SLC12A3: variants seen among roughly 807,000 people sequenced by gnomAD.
SLC12A3 encodes the protein Na-Cl cotransporter.
Under a neutral mutation model 121.0 loss-of-function variants are expected in SLC12A3, and 104 were observed. That is an observed-to-expected ratio of 0.86 (90% CI 0.73 to 1.01). SLC12A3 has a LOEUF of 1.01. SLC12A3 is among the 50% of genes least tolerant of loss of function. The pLI, the probability that SLC12A3 is intolerant of heterozygous loss-of-function variation, is 0.00. For synonymous variants in SLC12A3, 536 were observed against 533.4 expected (o/e 1.00, Z -0.07); for missense variants, 1,328 against 1,356.3 (o/e 0.98, Z 0.33).
rs1369517493 is a variant in SLC12A3, at chr16:56,870,113, A to G, written c.619A>G (p.Ile207Val). Reference protein sequence around the residue: ...KVKSGGTYFLISRSLGPELGG... With the variant: ...KVKSGGTYFLVSRSLGPELGG... ...CCTGATAGGTGGCACCTACTTCCTC[A>G]TCTCCCGGAGTCTGGGCCCAGAGCT... The change falls in exon 5 of 26, where the codon ATC becomes GTC. Residue 207 changes from isoleucine to valine, a missense_variant. Ile to Val is a conservative substitution (Grantham distance 29). Coordinates refer to ENST00000563236, the MANE Select transcript of SLC12A3 (RefSeq NM_001126108.2). The G allele has an allele frequency of 1.9e-6, 3 of 1,613,302 alleles. No homozygotes were observed. Among genetic ancestry groups the G allele is most frequent in the Non-Finnish European group, 2.5e-6 (3 of 1,179,928 alleles).
At chr16:56,869,652 C>T (rs115164192) in intron 3 of SLC12A3, 77 bp from the exon 4 acceptor site, 18 of 1,116,552 alleles carry the variant, frequency 1.6e-5, no homozygotes, top group Admixed American at 8.9e-5. Context: ...GAACGTAGGT[C>T]GCATGGTGAA....
rs188435882 is a variant in SLC12A3, at chr16:56,896,090, G to A, written c.2633+1448G>A. ...ATGGTCAGTACCTGTTGGCAGCCCCGGGGGTCAGGGGCCCCTGCTTTAAGG... is the reference window on the plus strand; with the variant it reads ...ATGGTCAGTACCTGTTGGCAGCCCCAGGGGTCAGGGGCCCCTGCTTTAAGG... On this transcript the variant is annotated intron_variant, in intron 22 of 25. Transcript: ENST00000563236. 5.9e-5 allele frequency among the ~76,000 whole-genome samples: 9 copies of A among 152,346 alleles called. No individual in the cohort carries two copies. The South Asian group carries it at 1.2e-3, about 21-fold the overall frequency.
Position 56,913,753 on chromosome 16 carries a change from C to T in SLC12A3, c.*348C>T, listed in dbSNP as rs1596965514. 2.6e-5 allele frequency: 9 copies of T among 348,996 alleles called. No individual in the cohort carries two copies. The highest frequency in any genetic ancestry group is 1.2e-4 in the South Asian group (5 of 42,842). The allele number at this position is 348,996 out of a possible 1,614,324, so 21.6% of individuals were successfully genotyped here. A position where few individuals can be genotyped will look rare whatever the true frequency, so the allele number is the denominator to read the frequency against. ...TGCAAATTGGAGTCCCAATGCTGGG[C>T]GTGAATCTTGACAGTTTCTACAGAC... On this transcript the variant is annotated 3_prime_UTR_variant, in exon 26 of 26. Transcript: ENST00000563236.
intron 25 of SLC12A3, among the ~76,000 whole-genome samples, chr16:56,908,169 T>C (rs1272683586): frequency 2.8e-5 from 4 of 145,044 alleles, no homozygotes. Flanking sequence ...AACTTTTTTT[T>C]TTTTTTTTTT....
rs187633044 is a variant in SLC12A3, at chr16:56,890,155, G to A, written c.2286-119G>A. Reference sequence around the variant, plus strand: ...ACAGATGGGGAAACTGAGGCCCAGAGAACAGAAAGGGCGTGGTAGGAAGCA... The same window carrying A: ...ACAGATGGGGAAACTGAGGCCCAGAAAACAGAAAGGGCGTGGTAGGAAGCA... On this transcript the variant is annotated intron_variant, in intron 18 of 25. Coordinates refer to ENST00000563236, the MANE Select transcript of SLC12A3 (RefSeq NM_001126108.2). 223 of 780,596 alleles carry A rather than the reference G, an allele frequency of 2.9e-4. No homozygotes were observed. The African/African-American group carries it at 3.3e-3, about 12-fold the overall frequency. The allele number at this position is 780,596 out of a possible 1,614,324, so 48.4% of individuals were successfully genotyped here. A position where few individuals can be genotyped will look rare whatever the true frequency, so the allele number is the denominator to read the frequency against.
In SLC12A3 at chr16:56,879,547, G is replaced by A. The variant is rs1189543256; in HGVS notation, c.1341G>A (p.Met447Ile). The A allele has an allele frequency of 6.2e-7, 1 of 1,613,354 alleles. No homozygotes were observed. The highest frequency in any genetic ancestry group is 2.2e-5 in the East Asian group (1 of 44,874). ...HYGLINYYQT[M>I]SMVSGFAPLI... ...TGAGCCCCAAATCCCCACAGACCAT[G>A]AGCATGGTGTCAGGCTTCGCGCCCC... The change falls in exon 11 of 26, where the codon ATG (methionine) becomes ATA (isoleucine). Residue 447 changes from methionine (M) to isoleucine (I), a missense_variant. By Grantham distance (10) the Met-to-Ile change is conservative. Transcript: ENST00000563236.
intron 25 of SLC12A3, chr16:56,904,698 A>G: frequency 1.9e-6 from 1 of 521,948 alleles, no homozygotes; most frequent in Non-Finnish European, 3.5e-6. Flanking sequence ...CCCAGGCATC[A>G]GTGACCTCCC....
At chr16:56,905,334 GT>G (rs2055593167) in intron 25 of SLC12A3, among the ~76,000 whole-genome samples, 1 of 102,642 alleles carries the variant, frequency 9.7e-6, no homozygotes, top group Non-Finnish European at 1.7e-5. Flanking sequence ...GCGAAACTCC[GT>G]CTCAAAAAAA....
At position 56,879,592 on chromosome 16, in the gene SLC12A3, C is replaced by T. The variant is rs142199602; in HGVS notation, c.1386C>T (p.Phe462=). 5.4e-4 allele frequency: 878 copies of T among 1,613,804 alleles called. 3 individuals carry two copies. The highest frequency in any genetic ancestry group is 1.6e-3 in the South Asian group (143 of 91,082). Residue 462 remains phenylalanine (F), a synonymous_variant, in exon 11 of 26, where the codon TTC becomes TTT. Coordinates refer to ENST00000563236, the MANE Select transcript of SLC12A3 (RefSeq NM_001126108.2). The stretch of plus-strand genomic sequence containing the variant: ...CGCCCCTGATCACGGCTGGCATCTT[C>T]GGGGCCACCCTCTCCTCTGCCCTGG... ...GFAPLITAGI[F]GATLSSALAC...
At chr16:56,892,900 T>C (rs2055408249) in intron 20 of SLC12A3, 53 bp from the exon 21 acceptor site, 1 of 1,485,308 alleles carries the variant, frequency 6.7e-7, no homozygotes, top group Non-Finnish European at 9.4e-7. Context: ...GGGCCAGGCC[T>C]GCCTGGATGC....
intron 23 of SLC12A3, among the ~76,000 whole-genome samples, chr16:56,900,576 G>A (rs1208246021): frequency 6.9e-6 from 1 of 143,996 alleles, no homozygotes; most frequent in Non-Finnish European, 1.5e-5. Context: ...TGTCACCCAG[G>A]CTGGAGTGCA....
intron 21 of SLC12A3, among the ~76,000 whole-genome samples, chr16:56,893,496 A>C (rs2055418300): frequency 6.6e-6 from 1 of 152,234 alleles, no homozygotes; most frequent in Non-Finnish European, 1.5e-5. Flanking sequence ...TCCTATTAAT[A>C]ACTGCCAAAA....
At chr16:56,897,855 AG>A (rs1488069598) in intron 22 of SLC12A3, among the ~76,000 whole-genome samples, 2 of 152,208 alleles carry the variant, frequency 1.3e-5, no homozygotes, top group African/African-American at 4.8e-5. Context: ...GGCACTGCCC[AG>A]GCCTGCCAGC....
At position 56,882,482 on chromosome 16, in the gene SLC12A3, A is replaced by G. The variant is rs1310356347; in HGVS notation, c.1654A>G (p.Ile552Val). Residue 552 changes from isoleucine to valine, a missense_variant, in exon 13 of 26, where the codon ATC (isoleucine) becomes GTC (valine). Coordinates refer to ENST00000563236, the MANE Select transcript of SLC12A3 (RefSeq NM_001126108.2). ...CAACTTCAGCTGCTTCCACGCCTCC[A>G]TCACCAACTCGCCTGGTAAGCAAAC... The part of the protein sequence containing the change: ...LINFSCFHAS[I>V]TNSPGWRPSF... 2.5e-6 allele frequency: 4 copies of G among 1,613,746 alleles called. No individual in the cohort carries two copies.
intron 22 of SLC12A3, among the ~76,000 whole-genome samples, chr16:56,894,892 C>T (rs1297567892): frequency 6.6e-6 from 1 of 151,524 alleles, no homozygotes. Flanking sequence ...GGCTTTGCTA[C>T]GACAGGGAGG....
At chr16:56,891,334 T>A (rs2055385695) in intron 19 of SLC12A3, among the ~76,000 whole-genome samples, 1 of 132,692 alleles carries the variant, frequency 7.5e-6, no homozygotes, top group African/African-American at 2.9e-5. Flanking sequence ...ATTGCACCAC[T>A]GCACTCCAGC....
chr16:56,882,541 G>A (rs552437503), intron 13 of SLC12A3, 44 bp downstream of exon 13: 4 of 1,486,186 alleles, frequency 2.7e-6, no homozygotes, highest in East Asian at 4.5e-5. Flanking sequence ...CACCCAGGGG[G>A]CAGGAGGAAC....
chr16:56,913,171 A>AAC (rs1348631157), intron 25 of SLC12A3, 93 bp from the exon 26 acceptor site: 3 of 1,561,340 alleles, frequency 1.9e-6, no homozygotes, highest in Non-Finnish European at 2.6e-6. Context: ...AGGGACGGTA[A>AAC]ACAGACTCGC....
intron 22 of SLC12A3, 56 bp downstream of exon 22, chr16:56,894,698 C>T: frequency 7.5e-7 from 1 of 1,330,556 alleles, no homozygotes; most frequent in Non-Finnish European, 1.1e-6. Context: ...CATCTTAGCT[C>T]CACCCAAGGC....
Sources: gnomAD v4.1 joint callset for allele counts (sites outside exome capture counted in the v4.1 genomes callset) on GRCh38, gnomAD v4.1.1 for gene constraint, MANE v1.5 for transcripts, NCBI Gene and HGNC (gene_info 2026-07-23, HGNC 2026-07-21) for gene names.